UIMC1: variants seen among roughly 807,000 people sequenced by gnomAD.
UIMC1 encodes the protein ubiquitin interaction motif containing 1, also known as BRCA1-A complex subunit RAP80.
A neutral mutation model predicts 84.9 loss-of-function variants in UIMC1; 42 were observed. That is an observed-to-expected ratio of 0.49 (90% CI 0.39 to 0.64). UIMC1 has a LOEUF of 0.64. UIMC1 is among the 30% of genes least tolerant of loss of function. UIMC1 has a pLI of 0.00. For synonymous variants in UIMC1, 281 were observed against 293.0 expected (o/e 0.96, Z 0.42); for missense variants, 825 against 847.6 (o/e 0.97, Z 0.33).
chr5:176,929,269 T>C (rs548899816), intron 10 of UIMC1, among the ~76,000 whole-genome samples: 1 of 138,426 alleles, frequency 7.2e-6, no homozygotes, highest in Non-Finnish European at 1.6e-5. Flanking sequence ...AGAAAAAAAA[T>C]TTATCATTAA....
At chr5:176,925,653 G>A (rs897734465) in intron 10 of UIMC1, among the ~76,000 whole-genome samples, 7 of 151,966 alleles carry the variant, frequency 4.6e-5, no homozygotes, top group African/African-American at 1.7e-4. Context: ...AAAACATTAT[G>A]CTGAGTGAAA....
At position 176,969,039 on chromosome 5, in the gene UIMC1, C is replaced by T; in HGVS notation, c.716G>A (p.Arg239Lys). The T allele has an allele frequency of 2.5e-6, 4 of 1,614,210 alleles. No homozygotes were observed. Among genetic ancestry groups the T allele is most frequent in the South Asian group, 1.1e-5 (1 of 91,080 alleles). ...QCGKPQESTG[R>K]GSAFLKAVQG... ...GACAGCTTTGAGAAAAGCAGAACCC[C>T]TCCCAGTACTTTCCTGTGGCTTCCC... Residue 239 changes from arginine to lysine, a missense_variant, in exon 6 of 15, where the codon AGG (arginine) becomes AAG (lysine). By Grantham distance (26) the Arg-to-Lys change is conservative (BLOSUM62 2). Transcript: ENST00000511320.
At chr5:176,941,845 A>G (rs1581465508) in intron 10 of UIMC1, among the ~76,000 whole-genome samples, 1 of 150,980 alleles carries the variant, frequency 6.6e-6, no homozygotes. Context: ...ATTTTGGTAC[A>G]GACTTTTTTT....
chr5:176,986,359 CAAAAAAAAAAAAA>C lies in UIMC1; in HGVS notation c.-8-3749_-8-3737del, dbSNP rs71583560. On this transcript the variant is annotated intron_variant, in intron 1 of 14. Coordinates refer to ENST00000511320, the MANE Select transcript of UIMC1 (RefSeq NM_001199298.2). ...TGGGTGCCAGAGTAAGACTTCATCT[CAAAAAAAAAAAAA>C]AAAAAAAAAAAAAAAGTAAGGCACA... Among the ~76,000 whole-genome samples, 244 of 28,030 alleles carry C rather than the reference CAAAAAAAAAAAAA, an allele frequency of 8.7e-3. 2 individuals carry two copies. The highest frequency in any genetic ancestry group is 0.023 in the African/African-American group (233 of 10,142). 18.4% of individuals were successfully genotyped at this position (28,030 alleles called of 152,430 possible). A position where few individuals can be genotyped will look rare whatever the true frequency, so the allele number is the denominator to read the frequency against.
chr5:176,905,519 T>G, intron 14 of UIMC1, 27 bp from the exon 15 acceptor site: 1 of 1,604,810 alleles, frequency 6.2e-7, no homozygotes, highest in South Asian at 1.1e-5. Context: ...AAATTCAGAT[T>G]CAATATACAC....
intron 2 of UIMC1, among the ~76,000 whole-genome samples, chr5:176,977,707 T>G (rs547835137): frequency 1.1e-4 from 16 of 151,304 alleles, no homozygotes; most frequent in Middle Eastern, 7.0e-3. Context: ...GTCAGGAGTT[T>G]GAGACCAGCC....
intron 9 of UIMC1, among the ~76,000 whole-genome samples, chr5:176,946,669 T>G (rs1765151768): frequency 6.6e-6 from 1 of 152,104 alleles, no homozygotes; most frequent in Non-Finnish European, 1.5e-5. Flanking sequence ...ACCCTGTCTC[T>G]ACTGAAAATA....
intron 9 of UIMC1, among the ~76,000 whole-genome samples, chr5:176,950,934 T>C (rs1765810176): frequency 6.6e-6 from 1 of 151,782 alleles, no homozygotes; most frequent in African/African-American, 2.4e-5. Flanking sequence ...TATGAACCTG[T>C]ATCAATCAGC....
chr5:176,976,553 T>C lies in UIMC1; in HGVS notation c.148-1073A>G, dbSNP rs138806312. Among the ~76,000 whole-genome samples the C allele has an allele frequency of 2.6e-5, 4 of 152,298 alleles. No individual in the cohort carries two copies. The East Asian group carries it at 7.7e-4, about 29-fold the overall frequency. ...GCAAGGATTACAAAAACCGGAACCC[T>C]AGTACACTGTTGGTGGGAATATAAA... On this transcript the variant is annotated intron_variant, in intron 2 of 14. Coordinates refer to ENST00000511320, the MANE Select transcript of UIMC1 (RefSeq NM_001199298.2).
intron 6 of UIMC1, among the ~76,000 whole-genome samples, chr5:176,963,937 A>G (rs1284899823): frequency 6.6e-6 from 1 of 151,968 alleles, no homozygotes; most frequent in Non-Finnish European, 1.5e-5. Context: ...ACCCCTTCCA[A>G]CTCCTTGTCA....
At chr5:177,013,368 A>ACACACACC (rs1775600202) in intron 1 of UIMC1, among the ~76,000 whole-genome samples, 1 of 131,244 alleles carries the variant, frequency 7.6e-6, no homozygotes, top group Non-Finnish European at 1.7e-5. Context: ...CCAAACACAC[A>ACACACACC]CACACACACA....
intron 2 of UIMC1, among the ~76,000 whole-genome samples, chr5:176,981,065 C>G (rs555084920): frequency 6.6e-6 from 1 of 151,836 alleles, no homozygotes; most frequent in African/African-American, 2.4e-5. Context: ...CTTCTCTATA[C>G]GCTTATGCCT....
At chr5:176,994,820 A>C (rs181028707) in intron 1 of UIMC1, among the ~76,000 whole-genome samples, 1 of 152,218 alleles carries the variant, frequency 6.6e-6, no homozygotes, top group Non-Finnish European at 1.5e-5. Context: ...CAGGTCTCGC[A>C]ACGCAGGCAT....
intron 1 of UIMC1, among the ~76,000 whole-genome samples, chr5:176,992,486 G>A (rs1415065168): frequency 6.6e-6 from 1 of 150,878 alleles, no homozygotes. Context: ...AGGTGACTAA[G>A]TAAATAAAGC....
intron 6 of UIMC1, among the ~76,000 whole-genome samples, chr5:176,966,410 T>C (rs1768314265): frequency 6.6e-6 from 1 of 152,238 alleles, no homozygotes; most frequent in Non-Finnish European, 1.5e-5. Context: ...TCCAAATCCA[T>C]GTTCTCTATT....
intron 10 of UIMC1, among the ~76,000 whole-genome samples, chr5:176,943,130 A>G (rs1301532767): frequency 1.3e-5 from 2 of 152,196 alleles, no homozygotes; most frequent in African/African-American, 4.8e-5. Context: ...CCTTCTCCTG[A>G]GGCATGTGTA....
intron 2 of UIMC1, 79 bp downstream of exon 2, chr5:176,982,390 G>A: frequency 6.6e-7 from 1 of 1,504,718 alleles, no homozygotes; most frequent in Non-Finnish European, 8.9e-7. Flanking sequence ...GGTGAAGTCA[G>A]TCACGAAACA....
At chr5:177,014,305 C>T (rs1228695871) in intron 1 of UIMC1, among the ~76,000 whole-genome samples, 2 of 151,820 alleles carry the variant, frequency 1.3e-5, no homozygotes, top group Non-Finnish European at 2.9e-5. Context: ...CCACCTACCT[C>T]GGCCTCCCAA....
intron 6 of UIMC1, among the ~76,000 whole-genome samples, chr5:176,961,967 A>T (rs1326330407): frequency 1.5e-5 from 1 of 64,868 alleles, no homozygotes; most frequent in African/African-American, 6.9e-5. Context: ...CCGCCCGGCC[A>T]GCCGCCCCGT....
Sources: allele counts gnomAD v4.1 joint callset (sites outside exome capture counted in the v4.1 genomes callset), GRCh38; gene constraint gnomAD v4.1.1; transcripts MANE v1.5; gene names NCBI Gene and HGNC (gene_info 2026-07-23, HGNC 2026-07-21).